Variants in COL25A1 observed in about 807,000 individuals in gnomAD.
The protein encoded by COL25A1 is collagen alpha-1(XXV) chain.
In COL25A1, 103 loss-of-function variants were observed where a neutral mutation model predicts 128.4. That is an observed-to-expected ratio of 0.80 (90% CI 0.68 to 0.94). The LOEUF (loss-of-function observed/expected upper bound fraction) is 0.94. COL25A1 is among the 40% of genes least tolerant of loss of function. The pLI is 0.00. For synonymous variants in COL25A1, 279 were observed against 277.2 expected (o/e 1.01, Z -0.06); for missense variants, 745 against 840.0 (o/e 0.89, Z 1.40).
At chr4:109,295,899 T>C (rs1022917087) in intron 3 of COL25A1, among the ~76,000 whole-genome samples, 1 of 152,056 alleles carries the variant, frequency 6.6e-6, no homozygotes, top group African/African-American at 2.4e-5. Context: ...AGAAGTTACC[T>C]AGTGTATCTT....
At chr4:108,884,247 T>C (rs774203010) in intron 18 of COL25A1, 25 bp from the exon 19 acceptor site, 2 of 1,597,988 alleles carry the variant, frequency 1.3e-6, no homozygotes, top group Admixed American at 3.3e-5. Flanking sequence ...CATATAGCAT[T>C]ATAGAATGAT....
chr4:109,038,778 T>C (rs1354416217), intron 5 of COL25A1, among the ~76,000 whole-genome samples: 1 of 152,198 alleles, frequency 6.6e-6, no homozygotes, highest in Non-Finnish European at 1.5e-5. Flanking sequence ...AGGCTTCTTT[T>C]CTTGAGTTGC....
At chr4:109,251,923 G>C (rs550118250) in intron 3 of COL25A1, among the ~76,000 whole-genome samples, 12 of 152,310 alleles carry the variant, frequency 7.9e-5, no homozygotes, top group African/African-American at 2.9e-4. Context: ...CACTGAAGTG[G>C]CACTGTAACT....
At chr4:109,091,401 G>A (rs3108945) in intron 3 of COL25A1, among the ~76,000 whole-genome samples, 35,204 of 151,970 alleles carry the variant, frequency 0.23, 5,262 homozygotes, top group African/African-American at 0.41. Flanking sequence ...TTTCCTTTAC[G>A]CTCAAAACCA....
chr4:109,049,202 A>T (rs1054980546), intron 4 of COL25A1, among the ~76,000 whole-genome samples: 19 of 152,190 alleles, frequency 1.2e-4, no homozygotes, highest in African/African-American at 4.6e-4. Flanking sequence ...TTAGTAGTTG[A>T]TTATTTTTAA....
In COL25A1 at chr4:109,282,082, T is replaced by C. The variant is rs1292837888; in HGVS notation, c.367+18501A>G. Among the ~76,000 whole-genome samples the C allele has an allele frequency of 2.6e-5, 4 of 152,290 alleles. No individual in the cohort carries two copies. The East Asian group carries it at 7.7e-4, about 29-fold the overall frequency. On this transcript the variant is annotated intron_variant, in intron 3 of 37. Coordinates refer to ENST00000399132, the MANE Select transcript of COL25A1 (RefSeq NM_198721.4). ...CAGAAAACCAACCCAATGGGAAAAA[T>C]GATGATTTGCACAGTTAAATTATAT...
intron 19 of COL25A1, among the ~76,000 whole-genome samples, chr4:108,882,259 CTT>C (rs10630143): frequency 7.0e-5 from 10 of 143,386 alleles, no homozygotes; most frequent in Non-Finnish European, 4.6e-5. Flanking sequence ...ATCAAAATTG[CTT>C]TTTTTTTTTT....
chr4:109,259,440 TG>T (rs1781290284), intron 3 of COL25A1, among the ~76,000 whole-genome samples: 1 of 152,238 alleles, frequency 6.6e-6, no homozygotes, highest in Non-Finnish European at 1.5e-5. Flanking sequence ...TTCATTGCCA[TG>T]GTGACTGGAA....
intron 6 of COL25A1, among the ~76,000 whole-genome samples, chr4:108,992,137 TCTCA>T (rs922303829): frequency 6.6e-6 from 1 of 152,190 alleles, no homozygotes; most frequent in African/African-American, 2.4e-5. Flanking sequence ...CACATTTTTT[TCTCA>T]CTGAGTAATA....
intron 22 of COL25A1, 38 bp downstream of exon 22, chr4:108,862,463 G>C: frequency 6.7e-7 from 1 of 1,488,364 alleles, no homozygotes. Flanking sequence ...GATCTTGAAG[G>C]CCTCATGTTA....
chr4:109,013,012 C>T (rs544131778), intron 5 of COL25A1, among the ~76,000 whole-genome samples: 2 of 152,268 alleles, frequency 1.3e-5, no homozygotes, highest in East Asian at 1.9e-4. Flanking sequence ...CTGTGTCTAG[C>T]TCAGGGTTCG....
At chr4:109,129,907 C>T (rs1038428055) in intron 3 of COL25A1, among the ~76,000 whole-genome samples, 1 of 151,268 alleles carries the variant, frequency 6.6e-6, no homozygotes, top group African/African-American at 2.4e-5. Flanking sequence ...TGCTAGATGA[C>T]GAGTTAGTGG....
intron 6 of COL25A1, among the ~76,000 whole-genome samples, chr4:108,990,526 TTTC>T (rs1754133327): frequency 6.6e-6 from 1 of 151,886 alleles, no homozygotes; most frequent in South Asian, 2.1e-4. Context: ...TGCTCCATTA[TTTC>T]TTAACTTTAA....
chr4:108,818,778 C>A (rs930693200), intron 36 of COL25A1, among the ~76,000 whole-genome samples: 7 of 151,734 alleles, frequency 4.6e-5, no homozygotes, highest in Admixed American at 1.3e-4. Flanking sequence ...AATTGGTTAA[C>A]ACTTGACGAC....
At position 109,151,283 on chromosome 4, in the gene COL25A1, GTA is replaced by G. The variant is rs1397742809; in HGVS notation, c.368-101106_368-101105del. ...CCTATAGATTAGCAAATGTTCCAAT[GTA>G]TGATGTCTTCCTAACTGGAGAACCT... On this transcript the variant is annotated intron_variant, in intron 3 of 37. Transcript: ENST00000399132. 2.0e-5 allele frequency among the ~76,000 whole-genome samples: 3 copies of G among 152,046 alleles called. No homozygotes were observed. The East Asian group carries it at 5.8e-4, about 29-fold the overall frequency.
At chr4:109,074,507 C>T (rs1763236036) in intron 3 of COL25A1, among the ~76,000 whole-genome samples, 1 of 152,096 alleles carries the variant, frequency 6.6e-6, no homozygotes, top group African/African-American at 2.4e-5. Context: ...ATTCATATGC[C>T]AAATTATATG....
intron 3 of COL25A1, among the ~76,000 whole-genome samples, chr4:109,258,061 A>G (rs1278574986): frequency 2.0e-5 from 3 of 152,210 alleles, no homozygotes; most frequent in Admixed American, 6.5e-5. Context: ...ACCAATTAAC[A>G]GAGCCCAGTT....
chr4:109,234,030 A>G lies in COL25A1; in HGVS notation c.367+66553T>C, dbSNP rs1324760927. On this transcript the variant is annotated intron_variant, in intron 3 of 37. Coordinates refer to ENST00000399132, the MANE Select transcript of COL25A1 (RefSeq NM_198721.4). ...TTTACTCCATACAAACTTGTTCTCA[A>G]TGGTCAATCTATTGCCCCACACTAT... 2.6e-5 allele frequency among the ~76,000 whole-genome samples: 4 copies of G among 152,166 alleles called. No individual in the cohort carries two copies. The East Asian group carries it at 5.8e-4, about 22-fold the overall frequency.
chr4:108,871,857 T>A (rs754053494), intron 19 of COL25A1, among the ~76,000 whole-genome samples: 3 of 152,114 alleles, frequency 2.0e-5, no homozygotes, highest in Non-Finnish European at 4.4e-5. Flanking sequence ...AGGAGTTAAT[T>A]ATTGTTCCCT....
Sources: gnomAD v4.1 joint callset for allele counts (sites outside exome capture counted in the v4.1 genomes callset) on GRCh38, gnomAD v4.1.1 for gene constraint, MANE v1.5 for transcripts, NCBI Gene and HGNC (gene_info 2026-07-23, HGNC 2026-07-21) for gene names.